KCNK2: variants seen among roughly 807,000 people sequenced by gnomAD.
KCNK2 encodes the protein potassium channel subfamily K member 2.
In KCNK2, 21 loss-of-function variants were observed where a neutral mutation model predicts 40.5. The observed-to-expected ratio is 0.52, with a 90% CI of 0.37 to 0.75. KCNK2 has a LOEUF of 0.75. Among genes scored for constraint, KCNK2 ranks in the 30% least tolerant of loss-of-function variants. The pLI is 0.00. For missense variants in KCNK2, 399 were observed against 531.6 expected (o/e 0.75, Z 2.45); for synonymous variants, 191 against 202.2 (o/e 0.94, Z 0.47).
At chr1:215,126,240 G>A (rs771381340) in intron 3 of KCNK2, among the ~76,000 whole-genome samples, 2 of 151,988 alleles carry the variant, frequency 1.3e-5, no homozygotes, top group Non-Finnish European at 2.9e-5. Context: ...GCCTCTTTGC[G>A]CTGGATCACA....
chr1:215,077,476 T>C (rs1658984874), intron 1 of KCNK2, among the ~76,000 whole-genome samples: 1 of 152,168 alleles, frequency 6.6e-6, no homozygotes, highest in African/African-American at 2.4e-5. Context: ...AATGTCCAAA[T>C]TCACTTATCT....
At chr1:215,107,602 T>G (rs1204438484) in intron 2 of KCNK2, among the ~76,000 whole-genome samples, 2 of 152,182 alleles carry the variant, frequency 1.3e-5, no homozygotes, top group Non-Finnish European at 2.9e-5. Flanking sequence ...TTAGTGATGT[T>G]GAGCATCTTT....
intron 6 of KCNK2, among the ~76,000 whole-genome samples, chr1:215,213,917 A>C (rs1665845823): frequency 6.6e-6 from 1 of 152,120 alleles, no homozygotes; most frequent in Admixed American, 6.6e-5. Flanking sequence ...ATATTTAATA[A>C]ATATTCTATC....
intron 2 of KCNK2, among the ~76,000 whole-genome samples, chr1:215,092,984 T>C (rs890795849): frequency 3.9e-5 from 6 of 152,138 alleles, no homozygotes; most frequent in Middle Eastern, 3.2e-3. Flanking sequence ...TATTAGGACA[T>C]CCAAGTGGAG....
chr1:215,090,763 C>T (rs1659659170), intron 2 of KCNK2, among the ~76,000 whole-genome samples: 1 of 152,132 alleles, frequency 6.6e-6, no homozygotes, highest in Admixed American at 6.6e-5. Context: ...CCTTCTTGAG[C>T]TAGGTTGGGA....
At chr1:215,048,026 C>G (rs1311630223) in intron 1 of KCNK2, among the ~76,000 whole-genome samples, 2 of 152,164 alleles carry the variant, frequency 1.3e-5, no homozygotes, top group African/African-American at 4.8e-5. Context: ...GGAGTAACGT[C>G]AGTGAACATT....
intron 1 of KCNK2, among the ~76,000 whole-genome samples, chr1:215,017,742 C>T (rs1656641229): frequency 6.6e-6 from 1 of 152,148 alleles, no homozygotes; most frequent in Non-Finnish European, 1.5e-5. Flanking sequence ...CACCACAAAA[C>T]AAGTATGTGA....
In KCNK2 at chr1:215,171,958, A is replaced by G. The variant is rs543455093; in HGVS notation, c.637-39A>G. ...TCTCTCTCTCCCCCCATTTATATAC[A>G]TATATATATATACACACACCTTTCT... On this transcript the variant is annotated intron_variant, in intron 4 of 6. Transcript: ENST00000444842. The G allele has an allele frequency of 3.1e-5, 37 of 1,191,932 alleles. No homozygotes were observed. In the African/African-American group the frequency reaches 4.6e-4, roughly 15 times the overall value. 73.8% of individuals were successfully genotyped at this position (1,191,932 alleles called of 1,614,324 possible).
intron 5 of KCNK2, among the ~76,000 whole-genome samples, chr1:215,178,007 G>T (rs1664059588): frequency 6.6e-6 from 1 of 151,846 alleles, no homozygotes; most frequent in South Asian, 2.1e-4. Flanking sequence ...TTCAATCCAT[G>T]AATATGGAAT....
intron 2 of KCNK2, among the ~76,000 whole-genome samples, chr1:215,123,423 T>A (rs1661282037): frequency 4.6e-5 from 7 of 151,770 alleles, no homozygotes; most frequent in Admixed American, 4.6e-4. Flanking sequence ...TTTACAAAGA[T>A]CATATATCAC....
At chr1:215,200,502 T>G (rs1165626507) in intron 6 of KCNK2, among the ~76,000 whole-genome samples, 1 of 152,188 alleles carries the variant, frequency 6.6e-6, no homozygotes, top group Non-Finnish European at 1.5e-5. Flanking sequence ...TCTGAAAGAT[T>G]TTATATGCCA....
chr1:215,105,756 C>T (rs1676874237), intron 2 of KCNK2, among the ~76,000 whole-genome samples: 1 of 152,060 alleles, frequency 6.6e-6, no homozygotes, highest in African/African-American at 2.4e-5. Context: ...TTCTTCCCTG[C>T]TCTAGTAGTT....
At chr1:215,044,946 G>T (rs1033208968) in intron 1 of KCNK2, among the ~76,000 whole-genome samples, 15 of 152,032 alleles carry the variant, frequency 9.9e-5, no homozygotes, top group African/African-American at 3.6e-4. Flanking sequence ...CTAGGCGGGT[G>T]GATCACGAGG....
chr1:215,127,681 G>A (rs907890574), intron 3 of KCNK2, among the ~76,000 whole-genome samples: 1 of 152,164 alleles, frequency 6.6e-6, no homozygotes, highest in Non-Finnish European at 1.5e-5. Context: ...GTCCCTTGCT[G>A]ATTTTTCATA....
chr1:215,093,605 G>GTATATATAATATATAATATAGAATA (rs1659803227), intron 2 of KCNK2, among the ~76,000 whole-genome samples: 1 of 96,002 alleles, frequency 1.0e-5, no homozygotes, highest in East Asian at 2.7e-4. Context: ...ATAATATATA[G>GTATATATAATATATAATATAGAATA]TATATATAAT....
intron 6 of KCNK2, among the ~76,000 whole-genome samples, chr1:215,227,229 G>A (rs1165018474): frequency 6.6e-6 from 1 of 152,198 alleles, no homozygotes; most frequent in Non-Finnish European, 1.5e-5. Context: ...AGTAAGTTGT[G>A]TTGAGCAGTA....
intron 1 of KCNK2, among the ~76,000 whole-genome samples, chr1:215,070,415 TAAAAAAAAAAAAA>T (rs536258219): frequency 1.1e-5 from 1 of 93,584 alleles, no homozygotes; most frequent in African/African-American, 4.2e-5. Flanking sequence ...GACCCCGTCT[TAAAAAAAAAAAAA>T]AAAAAAAAAA....
intron 2 of KCNK2, among the ~76,000 whole-genome samples, chr1:215,115,562 T>C (rs1039981952): frequency 5.3e-5 from 8 of 152,050 alleles, no homozygotes; most frequent in Non-Finnish European, 8.8e-5. Context: ...ACTCAAATCC[T>C]ATTTTAAGGA....
At chr1:215,094,788 A>T (rs898637507) in intron 2 of KCNK2, among the ~76,000 whole-genome samples, 1 of 152,148 alleles carries the variant, frequency 6.6e-6, no homozygotes, top group East Asian at 1.9e-4. Context: ...AAAATGCCAT[A>T]TAAGTGGTAT....
Sources: allele counts gnomAD v4.1 joint callset (sites outside exome capture counted in the v4.1 genomes callset), GRCh38; gene constraint gnomAD v4.1.1; transcripts MANE v1.5; gene names NCBI Gene and HGNC (gene_info 2026-07-23, HGNC 2026-07-21).